The following EMB variants were observed in gnomAD, a reference collection of about 807,000 sequenced individuals.
The protein encoded by EMB is embigin homolog.
A neutral mutation model predicts 41.4 loss-of-function variants in EMB; 31 were observed. The observed-to-expected ratio is 0.75, with a 90% CI of 0.56 to 1.01. The LOEUF is 1.01. Among genes scored for constraint, EMB ranks in the 50% least tolerant of loss-of-function variants. The pLI, the probability that EMB is intolerant of heterozygous loss-of-function variation, is 0.00. For missense variants in EMB, 379 were observed against 388.3 expected (o/e 0.98, Z 0.20); for synonymous variants, 137 against 140.4 (o/e 0.98, Z 0.17).
chr5:50,412,267 C>CACAT lies in EMB; in HGVS notation c.197-885_197-884insATGT, dbSNP rs1240705464. 1.5e-4 allele frequency among the ~76,000 whole-genome samples: 23 copies of CACAT among 151,506 alleles called. 1 individual carries two copies. The highest frequency in any genetic ancestry group is 7.4e-5 in the Non-Finnish European group (5 of 67,838). The stretch of plus-strand genomic sequence containing the variant: ...ACACACACACACACAGACACACACA[C>CACAT]ACACACACACACACACTGAAGGGGT... On this transcript the variant is annotated intron_variant, in intron 2 of 8. Transcript: ENST00000303221.
At chr5:50,418,767 G>T (rs1745468733) in intron 2 of EMB, among the ~76,000 whole-genome samples, 1 of 152,100 alleles carries the variant, frequency 6.6e-6, no homozygotes, top group African/African-American at 2.4e-5. Context: ...TGAGGTCCTT[G>T]GCATTGCCAG....
intron 4 of EMB, among the ~76,000 whole-genome samples, chr5:50,406,845 T>C (rs1334719218): frequency 1.3e-5 from 2 of 152,010 alleles, no homozygotes; most frequent in Admixed American, 6.6e-5. Flanking sequence ...GATGAAATCA[T>C]GTCAACTAAA....
chr5:50,399,260 T>A lies in EMB; in HGVS notation c.*13A>T. 6.2e-7 allele frequency: 1 copy of A among 1,608,274 alleles called. No individual in the cohort carries two copies. Among genetic ancestry groups the A allele is most frequent in the East Asian group, 2.2e-5 (1 of 44,656 alleles). On this transcript the variant is annotated 3_prime_UTR_variant, in exon 9 of 9. Transcript: ENST00000303221. ...GTATATCTTCCAATGATTCTCGACA[T>A]GATGTTTTGTATTCACTGGCCCAGA...
intron 2 of EMB, among the ~76,000 whole-genome samples, chr5:50,424,651 C>T (rs1278963719): frequency 6.6e-6 from 1 of 152,122 alleles, no homozygotes; most frequent in Non-Finnish European, 1.5e-5. Flanking sequence ...ATGTATAGAA[C>T]AGTGGGGATA....
chr5:50,411,131 T>G, intron 3 of EMB, 66 bp downstream of exon 3: 6 of 1,413,534 alleles, frequency 4.2e-6, no homozygotes, highest in Non-Finnish European at 5.8e-6. Flanking sequence ...GAATGCTCAG[T>G]CAGCAAAAAT....
chr5:50,416,558 G>C (rs1745434328), intron 2 of EMB, among the ~76,000 whole-genome samples: 1 of 152,136 alleles, frequency 6.6e-6, no homozygotes, highest in Admixed American at 6.5e-5. Context: ...TATTGCATAG[G>C]ATAGTGTTTC....
rs367931577 is a variant in EMB, at chr5:50,405,867, G to C, written c.473-15C>G. On this transcript the variant is annotated splice_polypyrimidine_tract_variant and intron_variant, in intron 4 of 8. Coordinates refer to ENST00000303221, the MANE Select transcript of EMB (RefSeq NM_198449.3). ...AAGTTCAGGGACTGAGAATAAAATA[G>C]AGAAATGTATGTTACTGAAAGAGTT... is the stretch of plus-strand genomic sequence containing the variant. The C allele has an allele frequency of 3.8e-6, 6 of 1,571,412 alleles. No individual in the cohort carries two copies. The African/African-American group carries it at 4.1e-5, about 11-fold the overall frequency.
At chr5:50,418,882 T>C (rs1745470275) in intron 2 of EMB, among the ~76,000 whole-genome samples, 1 of 152,226 alleles carries the variant, frequency 6.6e-6, no homozygotes. Flanking sequence ...CTTGAGATCA[T>C]TAACCTAATC....
intron 1 of EMB, among the ~76,000 whole-genome samples, chr5:50,429,888 C>T (rs1245132710): frequency 6.6e-6 from 1 of 151,722 alleles, no homozygotes; most frequent in African/African-American, 2.4e-5. Context: ...CCCATTCTCC[C>T]TCTCCTCCCA....
intron 2 of EMB, 64 bp downstream of exon 2, chr5:50,428,080 G>A: frequency 1.6e-6 from 2 of 1,216,304 alleles, no homozygotes; most frequent in African/African-American, 1.5e-5. Context: ...CAGTAGCTTT[G>A]TTTAAGAAAA....
chr5:50,420,569 C>T (rs1745502862), intron 2 of EMB, among the ~76,000 whole-genome samples: 1 of 152,188 alleles, frequency 6.6e-6, no homozygotes, highest in South Asian at 2.1e-4. Flanking sequence ...CCTTTATATA[C>T]TTCCTAGCAT....
intron 2 of EMB, among the ~76,000 whole-genome samples, chr5:50,419,698 G>A (rs1396780246): frequency 6.6e-6 from 1 of 152,036 alleles, no homozygotes; most frequent in Non-Finnish European, 1.5e-5. Flanking sequence ...GCATCACATG[G>A]AACAAAGGAC....
rs73752711 is a variant in EMB, at chr5:50,420,592, G to A, written c.196+7552C>T. Among the ~76,000 whole-genome samples, 273 of 152,266 alleles carry A rather than the reference G, an allele frequency of 1.8e-3. 1 individual carries two copies. The highest frequency in any genetic ancestry group is 6.4e-3 in the African/African-American group (264 of 41,552). ...TACTTCCTAGCATTTGGCACTGTCC[G>A]GTTTCACCTTTCATATTAATTTGTT... On this transcript the variant is annotated intron_variant, in intron 2 of 8. Transcript: ENST00000303221.
rs779302252 is a variant in EMB at position 50,411,355 on chromosome 5, A to G, written c.225T>C (p.Asn75=). 6.2e-7 allele frequency: 1 copy of G among 1,605,886 alleles called. No individual in the cohort carries two copies. Among genetic ancestry groups the G allele is most frequent in the South Asian group, 1.1e-5 (1 of 89,482 alleles). ...TEHSSMPVEK[N]ITLERPSNVN... is the part of the protein sequence containing the mutation. The stretch of plus-strand genomic sequence containing the variant: ...CATTAGAAGGCCTTTCTAAAGTGAT[A>G]TTTTTTTCTACTGGCATACTAGAAT... Residue 75 remains asparagine (N), a synonymous_variant, in exon 3 of 9, where the codon AAT becomes AAC. Transcript: ENST00000303221.
At chr5:50,401,322 A>G (rs1047077690) in intron 7 of EMB, among the ~76,000 whole-genome samples, 1 of 152,032 alleles carries the variant, frequency 6.6e-6, no homozygotes, top group African/African-American at 2.4e-5. Context: ...AATGTCTACA[A>G]ACATCTAAAT....
chr5:50,423,322 G>A (rs1745556782), intron 2 of EMB, among the ~76,000 whole-genome samples: 1 of 152,232 alleles, frequency 6.6e-6, no homozygotes, highest in Middle Eastern at 3.4e-3. Flanking sequence ...AAGAGGAGAA[G>A]AGAAGAGAGA....
chr5:50,403,492 G>C (rs1745201088), intron 5 of EMB, 38 bp from the exon 6 acceptor site: 3 of 1,592,018 alleles, frequency 1.9e-6, no homozygotes, highest in Non-Finnish European at 2.6e-6. Flanking sequence ...TCCTATCATA[G>C]CACATAAAAG....
At chr5:50,410,639 G>A (rs1579725587) in intron 4 of EMB, among the ~76,000 whole-genome samples, 3 of 152,052 alleles carry the variant, frequency 2.0e-5, no homozygotes, top group African/African-American at 7.2e-5. Flanking sequence ...AATGTGGTAG[G>A]CTGGCCTTTT....
chr5:50,401,468 A>G (rs1157095201), intron 7 of EMB, among the ~76,000 whole-genome samples: 1 of 151,966 alleles, frequency 6.6e-6, no homozygotes, highest in African/African-American at 2.4e-5. Context: ...GGTTTCTTGC[A>G]GCAACTTTAA....
Sources: gnomAD v4.1 joint callset for allele counts (sites outside exome capture counted in the v4.1 genomes callset) on GRCh38, gnomAD v4.1.1 for gene constraint, MANE v1.5 for transcripts, NCBI Gene and HGNC (gene_info 2026-07-23, HGNC 2026-07-21) for gene names.